Variants in IPO8 observed in about 807,000 individuals in gnomAD.
IPO8 encodes importin 8, also known as importin-8.
Under a neutral mutation model 141.2 loss-of-function variants are expected in IPO8, and 65 were observed. The ratio of observed to expected loss-of-function variants is 0.46; its 90% confidence interval spans 0.38 to 0.57. The LOEUF (loss-of-function observed/expected upper bound fraction) is 0.57. Ranked by LOEUF, IPO8 falls within the 20% of genes least tolerant of loss-of-function variation. The probability of loss-of-function intolerance (pLI) is 0.00; values close to 1 mark genes in which losing one functional copy is unlikely to be tolerated. For missense variants in IPO8, 980 were observed against 1,246.8 expected, an observed-to-expected ratio of 0.79 and a Z score of 3.22; for synonymous variants, 411 against 420.3, an observed-to-expected ratio of 0.98 and a Z score of 0.27.
intron 2 of IPO8, among the ~76,000 whole-genome samples, chr12:30,690,052 T>C (rs550866918): frequency 3.9e-4 from 60 of 152,338 alleles, no homozygotes; most frequent in Non-Finnish European, 7.8e-4. Context: ...GTTTAAAACA[T>C]AGTCCTGCTC....
chr12:30,661,293 G>A (rs190762800), intron 15 of IPO8, 27 bp from the exon 16 acceptor site: 49 of 1,557,886 alleles, frequency 3.1e-5, no homozygotes, highest in Admixed American at 7.7e-5. Flanking sequence ...AAAGTATTCC[G>A]CAATTAGTAG....
rs192589118 is a variant in IPO8, at chr12:30,685,943, T to C, written c.167-1486A>G. 1.7e-4 allele frequency among the ~76,000 whole-genome samples: 25 copies of C among 149,994 alleles called. No homozygotes were observed. The East Asian group carries it at 2.6e-3, about 15-fold the overall frequency. On this transcript the variant is annotated intron_variant, in intron 2 of 24. Transcript: ENST00000256079. ...AAACTAAATTGGGTAGTCAAAGCACTATACCATAAAGAATACACCAATACA... is the reference window on the plus strand; with the variant it reads ...AAACTAAATTGGGTAGTCAAAGCACCATACCATAAAGAATACACCAATACA...
intron 13 of IPO8, 39 bp downstream of exon 13, chr12:30,665,181 G>T: frequency 9.2e-7 from 1 of 1,086,650 alleles, no homozygotes; most frequent in African/African-American, 1.6e-5. Flanking sequence ...ATTATCTTAT[G>T]AAGATTTAAG....
intron 1 of IPO8, among the ~76,000 whole-genome samples, chr12:30,692,223 C>A (rs1373191633): frequency 1.3e-5 from 2 of 152,210 alleles, no homozygotes; most frequent in Non-Finnish European, 2.9e-5. Flanking sequence ...TACAAAATAA[C>A]CTTTACACTT....
At position 30,663,634 on chromosome 12, in the gene IPO8, T is replaced by C. The variant is rs756894903; in HGVS notation, c.1449A>G (p.Ala483=). ...CATTATGGAACTTCAAAGAACTAAATGCATGAAGTACCCAGCAAGACTGTA... is the reference window on the plus strand; with the variant it reads ...CATTATGGAACTTCAAAGAACTAAACGCATGAAGTACCCAGCAAGACTGTA... ...LRARSCWVLH[A]FSSLKFHNEL... is the part of the protein sequence containing the mutation. Residue 483 remains alanine (A), a synonymous_variant, in exon 14 of 25, where the codon GCA becomes GCG. Transcript: ENST00000256079. The C allele has an allele frequency of 1.2e-6, 2 of 1,610,682 alleles. No homozygotes were observed. The highest frequency in any genetic ancestry group is 1.1e-5 in the South Asian group (1 of 90,752).
At chr12:30,647,637 C>T (rs1484126150) in intron 20 of IPO8, among the ~76,000 whole-genome samples, 1 of 139,490 alleles carries the variant, frequency 7.2e-6, no homozygotes, top group South Asian at 2.3e-4. Flanking sequence ...ACACCAACCA[C>T]AAGCAATAAT....
At chr12:30,668,071 G>C (rs1269371645) in intron 10 of IPO8, among the ~76,000 whole-genome samples, 1 of 151,982 alleles carries the variant, frequency 6.6e-6, no homozygotes, top group African/African-American at 2.4e-5. Flanking sequence ...GAGAGAGAGA[G>C]AGAGAGAGAA....
intron 20 of IPO8, among the ~76,000 whole-genome samples, chr12:30,641,932 C>T (rs10843800): frequency 1.3e-5 from 2 of 151,844 alleles, no homozygotes; most frequent in Non-Finnish European, 2.9e-5. Flanking sequence ...CAGTGGTTCA[C>T]GCCTGTAATC....
At chr12:30,656,613 TA>T (rs2052804218) in intron 17 of IPO8, 70 bp downstream of exon 17, 2 of 857,660 alleles carry the variant, frequency 2.3e-6, no homozygotes, top group African/African-American at 1.8e-5. Flanking sequence ...TCTGAAGGGC[TA>T]AAATTATACT....
chr12:30,647,603 C>CAAAA (rs34098076), intron 20 of IPO8, among the ~76,000 whole-genome samples: 1,649 of 40,152 alleles, frequency 0.041, 101 homozygotes, highest in Non-Finnish European at 0.045. Context: ...AGACCGTCTC[C>CAAAA]AAAAAAAAAA....
At position 30,695,659 on chromosome 12, in the gene IPO8, G is replaced by C. The variant is rs748766915; in HGVS notation, c.-12C>G. 1 of 1,612,406 alleles carries C rather than the reference G, an allele frequency of 6.2e-7. No individual in the cohort carries two copies. The highest frequency in any genetic ancestry group is 2.2e-5 in the East Asian group (1 of 44,788). On this transcript the variant is annotated 5_prime_UTR_variant, in exon 1 of 25. Coordinates refer to ENST00000256079, the MANE Select transcript of IPO8 (RefSeq NM_006390.4). This position sits in a 1 kb window ranked among gnomAD's most constrained non-coding sequence, Gnocchi z 4.2. ...CGGTTGAGGTCCATCTCCCCGGGTG[G>C]GGGCTCCGCGGCCCCCGGAACAGTA...
At chr12:30,645,210 T>TA (rs1461892083) in intron 20 of IPO8, among the ~76,000 whole-genome samples, 1 of 151,324 alleles carries the variant, frequency 6.6e-6, no homozygotes, top group Non-Finnish European at 1.5e-5. Flanking sequence ...CCATCTCTAC[T>TA]AAAAAAACAA....
chr12:30,678,100 G>T (rs10771756), intron 5 of IPO8, among the ~76,000 whole-genome samples: 1 of 149,622 alleles, frequency 6.7e-6, no homozygotes, highest in African/African-American at 2.5e-5. Context: ...ACTCCAGCCC[G>T]GGCGACAGAG....
intron 15 of IPO8, 46 bp from the exon 16 acceptor site, chr12:30,661,312 C>A (rs201178075): frequency 5.3e-6 from 8 of 1,497,182 alleles, no homozygotes; most frequent in Non-Finnish European, 7.1e-6. Flanking sequence ...AGTACTGTTA[C>A]GTCCCCGCTT....
chr12:30,638,472 G>A (rs2052532364), intron 21 of IPO8, among the ~76,000 whole-genome samples: 1 of 152,178 alleles, frequency 6.6e-6, no homozygotes, highest in African/African-American at 2.4e-5. Flanking sequence ...CTTAACCACT[G>A]TGGGGAGTCT....
intron 16 of IPO8, among the ~76,000 whole-genome samples, chr12:30,658,796 C>T (rs1426725839): frequency 1.3e-5 from 2 of 149,656 alleles, no homozygotes; most frequent in Admixed American, 6.7e-5. Context: ...TACAGAAGGA[C>T]ACAAAAATAA....
chr12:30,678,299 C>T (rs2053148708), intron 5 of IPO8, among the ~76,000 whole-genome samples: 1 of 152,136 alleles, frequency 6.6e-6, no homozygotes, highest in Non-Finnish European at 1.5e-5. Flanking sequence ...TACTACCTCA[C>T]CCACAGCAAC....
chr12:30,671,564 C>A (rs577132033), intron 8 of IPO8, among the ~76,000 whole-genome samples: 1 of 150,322 alleles, frequency 6.7e-6, no homozygotes, highest in Admixed American at 6.7e-5. Context: ...GTCCCAGCTA[C>A]TGGGGAGGCT....
At position 30,654,826 on chromosome 12, in the gene IPO8, T is replaced by C. The variant is rs1434167375; in HGVS notation, c.1949-1734A>G. Among the ~76,000 whole-genome samples, 3 of 152,106 alleles carry C rather than the reference T, an allele frequency of 2.0e-5. No individual in the cohort carries two copies. In the East Asian group the frequency reaches 5.8e-4, roughly 29 times the overall value. On this transcript the variant is annotated intron_variant, in intron 17 of 24. Transcript: ENST00000256079. ...AAAAATTAAAGATAGAACTATCATA[T>C]GATCAAGTCATCCTAGTACTGGGTA...
Sources: allele counts gnomAD v4.1 joint callset (sites outside exome capture counted in the v4.1 genomes callset), GRCh38; gene constraint gnomAD v4.1.1; non-coding constraint Gnocchi (gnomAD v3.1); transcripts MANE v1.5; gene names NCBI Gene and HGNC (gene_info 2026-07-23, HGNC 2026-07-21).